MARCHF1: variants seen among roughly 807,000 people sequenced by gnomAD.
MARCHF1 encodes membrane associated ring-CH-type finger 1, also known as E3 ubiquitin-protein ligase MARCHF1.
Under a neutral mutation model 54.2 loss-of-function variants are expected in MARCHF1, and 40 were observed. The observed-to-expected ratio is 0.74, with a 90% confidence interval of 0.57 to 0.96. MARCHF1 has a LOEUF of 0.96. Among genes scored for constraint, MARCHF1 ranks in the 40% least tolerant of loss-of-function variants. The pLI, the probability that MARCHF1 is intolerant of heterozygous loss-of-function variation, is 0.00. For synonymous variants in MARCHF1, 236 were observed against 236.3 expected (o/e 1.00, Z 0.01); for missense variants, 586 against 656.5 (o/e 0.89, Z 1.17).
chr4:163,630,018 A>C (rs918535238), intron 5 of MARCHF1, among the ~76,000 whole-genome samples: 1 of 152,190 alleles, frequency 6.6e-6, no homozygotes, highest in African/African-American at 2.4e-5. Context: ...TGTTGGAGGA[A>C]ATAATTTCGC....
intron 3 of MARCHF1, among the ~76,000 whole-genome samples, chr4:163,957,801 C>A (rs2110801307): frequency 6.6e-6 from 1 of 152,100 alleles, no homozygotes; most frequent in East Asian, 1.9e-4. Context: ...ATGAATCTAA[C>A]CAGCTCTCTG....
chr4:164,238,312 A>G (rs1217767981), intron 1 of MARCHF1, among the ~76,000 whole-genome samples: 1 of 152,056 alleles, frequency 6.6e-6, no homozygotes, highest in Non-Finnish European at 1.5e-5. Context: ...AAGAGAGTCT[A>G]CAGAGAAAAA....
chr4:164,373,636 T>A (rs1300104217), intron 1 of MARCHF1, among the ~76,000 whole-genome samples: 3 of 152,092 alleles, frequency 2.0e-5, no homozygotes, highest in Admixed American at 6.5e-5. Flanking sequence ...ATTACAGGCG[T>A]GAGTCACCGT....
intron 1 of MARCHF1, among the ~76,000 whole-genome samples, chr4:164,223,631 G>A (rs11941823): frequency 0.039 from 5,849 of 151,762 alleles, 344 homozygotes; most frequent in African/African-American, 0.13. Flanking sequence ...GCCTTCATGC[G>A]CTATTGGATA....
chr4:164,130,827 A>G (rs550159125), intron 1 of MARCHF1, among the ~76,000 whole-genome samples: 6 of 152,292 alleles, frequency 3.9e-5, no homozygotes, highest in African/African-American at 1.4e-4. Flanking sequence ...ACATTGATTG[A>G]TGTCGTTATA....
intron 1 of MARCHF1, among the ~76,000 whole-genome samples, chr4:164,239,987 T>TCA (rs1041139309): frequency 1.1e-4 from 17 of 152,322 alleles, no homozygotes; most frequent in African/African-American, 4.1e-4. Context: ...CTCTAAACAT[T>TCA]CAGTGTTGTC....
chr4:163,533,937 GCTCATGATCTATAC>G (rs1380473651), intron 9 of MARCHF1, among the ~76,000 whole-genome samples: 1 of 151,812 alleles, frequency 6.6e-6, no homozygotes, highest in Admixed American at 6.6e-5. Flanking sequence ...CACAATAAAT[GCTCATGATCTATAC>G]CTCTATTTAT....
At chr4:164,060,631 T>C (rs1346924048) in intron 2 of MARCHF1, among the ~76,000 whole-genome samples, 1 of 152,128 alleles carries the variant, frequency 6.6e-6, no homozygotes, top group African/African-American at 2.4e-5. Context: ...AATTTTCCAA[T>C]AACTGAATAG....
At chr4:164,270,972 T>A (rs1733731374) in intron 1 of MARCHF1, among the ~76,000 whole-genome samples, 1 of 151,996 alleles carries the variant, frequency 6.6e-6, no homozygotes, top group South Asian at 2.1e-4. Flanking sequence ...GAGCTTAAAG[T>A]TGCAAAAATA....
chr4:164,210,049 C>G (rs192682857), intron 1 of MARCHF1, among the ~76,000 whole-genome samples: 4 of 152,126 alleles, frequency 2.6e-5, no homozygotes, highest in Admixed American at 2.6e-4. Context: ...TCTTATTGAA[C>G]AGTACAAAAG....
intron 1 of MARCHF1, among the ~76,000 whole-genome samples, chr4:164,302,635 T>C (rs1734591699): frequency 6.6e-6 from 1 of 152,116 alleles, no homozygotes; most frequent in Admixed American, 6.6e-5. Flanking sequence ...CCCAGCATGT[T>C]GTGAGGCTGA....
At chr4:163,614,733 G>A (rs1458561006) in intron 5 of MARCHF1, among the ~76,000 whole-genome samples, 1 of 152,064 alleles carries the variant, frequency 6.6e-6, no homozygotes. Flanking sequence ...ATGGTAAAAG[G>A]GACTTTGCAG....
At chr4:163,994,932 T>G (rs1753044892) in intron 2 of MARCHF1, among the ~76,000 whole-genome samples, 1 of 152,232 alleles carries the variant, frequency 6.6e-6, no homozygotes, top group South Asian at 2.1e-4. Flanking sequence ...AAACTGTGAT[T>G]TTCTATTTTA....
intron 1 of MARCHF1, among the ~76,000 whole-genome samples, chr4:164,309,595 C>T (rs1225341356): frequency 1.3e-5 from 2 of 152,154 alleles, no homozygotes; most frequent in African/African-American, 4.8e-5. Context: ...ATGACTTCTA[C>T]CTTCAATTAT....
rs199595307 is a variant in MARCHF1 at position 163,601,439 on chromosome 4, C to CT, written c.1010+10831dup. Among the ~76,000 whole-genome samples the CT allele has an allele frequency of 1.5e-3, 221 of 150,826 alleles. 1 individual carries two copies. The highest frequency in any genetic ancestry group is 4.9e-3 in the African/African-American group (203 of 41,062). On this transcript the variant is annotated intron_variant, in intron 7 of 9. Transcript: ENST00000514618. ...AAGACAGAGGAGGAATTTCATATTG[C>CT]TAAACAGATATAAATTCATTAAAGG...
At chr4:164,266,029 G>T (rs1733602205) in intron 1 of MARCHF1, among the ~76,000 whole-genome samples, 1 of 152,138 alleles carries the variant, frequency 6.6e-6, no homozygotes. Flanking sequence ...ATGCCTGTTT[G>T]TTCGCTCCTG....
intron 3 of MARCHF1, among the ~76,000 whole-genome samples, chr4:163,957,804 G>A (rs1192455033): frequency 6.6e-6 from 1 of 151,912 alleles, no homozygotes; most frequent in African/African-American, 2.4e-5. Flanking sequence ...AATCTAACCA[G>A]CTCTCTGTAC....
chr4:163,625,069 A>C (rs1247280523), intron 5 of MARCHF1, among the ~76,000 whole-genome samples: 4 of 152,190 alleles, frequency 2.6e-5, no homozygotes, highest in Admixed American at 6.5e-5. Flanking sequence ...AACTTCAGCA[A>C]TTCTTTTTAA....
At chr4:163,660,490 C>T (rs1427821964) in intron 5 of MARCHF1, among the ~76,000 whole-genome samples, 1 of 151,584 alleles carries the variant, frequency 6.6e-6, no homozygotes, top group African/African-American at 2.4e-5. Flanking sequence ...TGGATAGATG[C>T]AGCAGTCCAC....
Sources: gnomAD v4.1 joint callset for allele counts (sites outside exome capture counted in the v4.1 genomes callset) on GRCh38, gnomAD v4.1.1 for gene constraint, MANE v1.5 for transcripts, NCBI Gene and HGNC (gene_info 2026-07-23, HGNC 2026-07-21) for gene names.